RSF1: variants seen among roughly 807,000 people sequenced by gnomAD.
The protein encoded by RSF1 is HBV pX-associated protein 8.
RSF1 carries 13 observed loss-of-function variants against 145.2 expected under a neutral mutation model. That is an observed-to-expected ratio of 0.09 (90% CI 0.06 to 0.14). RSF1 has a LOEUF of 0.14. Among genes scored for constraint, RSF1 ranks in the 10% least tolerant of loss-of-function variants. The probability of loss-of-function intolerance (pLI) is 1.00; values close to 1 mark genes in which losing one functional copy is unlikely to be tolerated. For missense variants in RSF1, 1,517 were observed against 1,718.2 expected (o/e 0.88, Z 2.07); for synonymous variants, 577 against 592.6 (o/e 0.97, Z 0.38).
In RSF1 at chr11:77,737,490, C is replaced by A. The variant is rs552348517; in HGVS notation, c.578+3241G>T. On this transcript the variant is annotated intron_variant, in intron 4 of 15. Coordinates refer to ENST00000308488, the MANE Select transcript of RSF1 (RefSeq NM_016578.4). ...AACCAAAAAACAACAACAACAACAACAAAAAAACGGAAAACTGCGTGCAGG... is the reference window on the plus strand; with the variant it reads ...AACCAAAAAACAACAACAACAACAAAAAAAAAACGGAAAACTGCGTGCAGG... 6.5e-3 allele frequency among the ~76,000 whole-genome samples: 936 copies of A among 144,032 alleles called. 5 individuals are homozygous for A. The highest frequency in any genetic ancestry group is 0.01 in the Non-Finnish European group (665 of 66,412). 94.5% of individuals were successfully genotyped at this position (144,032 alleles called of 152,430 possible). A position where few individuals can be genotyped will look rare whatever the true frequency, so the allele number is the denominator to read the frequency against.
chr11:77,755,261 T>C (rs1477009455), intron 2 of RSF1, among the ~76,000 whole-genome samples: 1 of 151,742 alleles, frequency 6.6e-6, no homozygotes, highest in Non-Finnish European at 1.5e-5. Context: ...ATTATGAGGG[T>C]AGTGGGGATC....
Position 77,698,452 on chromosome 11 carries a change from A to T in RSF1, c.2715+35T>A, listed in dbSNP as rs376337448. The T allele has an allele frequency of 2.5e-6, 4 of 1,578,444 alleles. No individual in the cohort carries two copies. In the African/African-American group the frequency reaches 5.4e-5, roughly 21 times the overall value. On this transcript the variant is annotated intron_variant, in intron 7 of 15. Coordinates refer to ENST00000308488, the MANE Select transcript of RSF1 (RefSeq NM_016578.4). ...CTCCAGGCAACCTCACCATGTCTGT[A>T]ATATGAGTATTCTTCATTTACATCA...
the RSF1 span, among the ~76,000 whole-genome samples, chr11:77,867,790 A>T: frequency 1.3e-5 from 2 of 152,196 alleles, no homozygotes; most frequent in African/African-American, 4.8e-5. Flanking sequence ...TTTGTTAAAC[A>T]CATCACCTTA....
chr11:77,838,773 C>T, the RSF1 span, among the ~76,000 whole-genome samples: 2 of 152,118 alleles, frequency 1.3e-5, no homozygotes, highest in South Asian at 2.1e-4. Context: ...CCCACCACTG[C>T]GCCCAGCTAT....
intron 1 of RSF1, among the ~76,000 whole-genome samples, chr11:77,803,163 T>G (rs538502785): frequency 6.6e-6 from 1 of 151,940 alleles, no homozygotes; most frequent in South Asian, 2.1e-4. Flanking sequence ...AGTTGTTTGT[T>G]TTGAAAGAGG....
intron 1 of RSF1, among the ~76,000 whole-genome samples, chr11:77,802,744 T>C (rs923478165): frequency 6.6e-6 from 1 of 151,736 alleles, no homozygotes; most frequent in African/African-American, 2.4e-5. Context: ...GGTTTCACCA[T>C]GTTGGCATGT....
At chr11:77,671,106 C>CAAAAAAAA (rs1171789380) in intron 15 of RSF1, among the ~76,000 whole-genome samples, 1 of 5,532 alleles carries the variant, frequency 1.8e-4, no homozygotes, top group Non-Finnish European at 2.6e-4. Context: ...ACTCTGTCAC[C>CAAAAAAAA]AAAAAAAAAA....
chr11:77,686,408 C>CAAA (rs564410248), intron 9 of RSF1, among the ~76,000 whole-genome samples: 515 of 37,104 alleles, frequency 0.014, 60 homozygotes, highest in African/African-American at 0.05. Context: ...GACCCTGTCT[C>CAAA]AAAAAAAAAA....
intron 1 of RSF1, chr11:77,813,275 A>AT (rs907010466): frequency 3.8e-4 from 260 of 678,982 alleles, no homozygotes; most frequent in South Asian, 5.2e-4. Context: ...GCCATTTATA[A>AT]TTTTTTTTTA....
At chr11:77,791,427 T>C (rs1256789411) in intron 1 of RSF1, among the ~76,000 whole-genome samples, 1 of 152,164 alleles carries the variant, frequency 6.6e-6, no homozygotes, top group Non-Finnish European at 1.5e-5. Context: ...ATTTTCCCCA[T>C]TGTCTTGGGG....
the RSF1 span, chr11:77,840,885 G>A: frequency 1.7e-5 from 5 of 291,094 alleles, no homozygotes; most frequent in Non-Finnish European, 3.2e-5. Context: ...TTATTTGTGT[G>A]TGGGGGTTTA....
intron 5 of RSF1, among the ~76,000 whole-genome samples, chr11:77,714,468 A>G (rs1038259352): frequency 2.6e-5 from 4 of 152,170 alleles, no homozygotes; most frequent in African/African-American, 9.6e-5. Flanking sequence ...TCCAATCATG[A>G]AAGATTTCTT....
intron 2 of RSF1, among the ~76,000 whole-genome samples, chr11:77,748,294 A>T (rs1469800430): frequency 6.7e-6 from 1 of 149,212 alleles, no homozygotes; most frequent in Non-Finnish European, 1.5e-5. Context: ...ACACGATCAC[A>T]GCTCACTGCA....
intron 11 of RSF1, among the ~76,000 whole-genome samples, chr11:77,682,525 G>C (rs1264625954): frequency 6.6e-6 from 1 of 152,192 alleles, no homozygotes; most frequent in Non-Finnish European, 1.5e-5. Flanking sequence ...TCTAGGAATA[G>C]CTACTAACAG....
intron 4 of RSF1, among the ~76,000 whole-genome samples, chr11:77,730,785 T>C (rs1961187758): frequency 6.6e-6 from 1 of 152,214 alleles, no homozygotes; most frequent in African/African-American, 2.4e-5. Context: ...GCACAAGCTT[T>C]CTTTTCCTGC....
the RSF1 span, among the ~76,000 whole-genome samples, chr11:77,844,954 G>A: frequency 2.6e-5 from 4 of 152,108 alleles, no homozygotes; most frequent in East Asian, 1.9e-4. Flanking sequence ...TGGCTTCATT[G>A]GTTTCTAATG....
At chr11:77,684,080 A>G (rs1370060912) in intron 10 of RSF1, among the ~76,000 whole-genome samples, 1 of 152,234 alleles carries the variant, frequency 6.6e-6, no homozygotes, top group Non-Finnish European at 1.5e-5. Flanking sequence ...GTTTTAAAAC[A>G]GTCATGATGA....
chr11:77,741,711 TA>T (rs1296924662), intron 3 of RSF1, among the ~76,000 whole-genome samples: 4 of 152,216 alleles, frequency 2.6e-5, no homozygotes, highest in African/African-American at 9.6e-5. Flanking sequence ...TGAGAACATT[TA>T]AAATCTAGCC....
chr11:77,865,041 C>T, the RSF1 span, among the ~76,000 whole-genome samples: 1 of 152,090 alleles, frequency 6.6e-6, no homozygotes, highest in East Asian at 1.9e-4. Flanking sequence ...TTCTCTGGAC[C>T]CATATAGTTG....
Sources: allele counts gnomAD v4.1 joint callset (sites outside exome capture counted in the v4.1 genomes callset), GRCh38; gene constraint gnomAD v4.1.1; transcripts MANE v1.5; gene names NCBI Gene and HGNC (gene_info 2026-07-23, HGNC 2026-07-21).